ARHGAP39: variants seen among roughly 807,000 people sequenced by gnomAD.
The protein encoded by ARHGAP39 is Rho GTPase activating protein 39.
A neutral mutation model predicts 106.9 loss-of-function variants in ARHGAP39; 44 were observed. The ratio of observed to expected loss-of-function variants is 0.41; its 90% CI spans 0.32 to 0.53. The LOEUF is 0.53. Ranked by LOEUF, ARHGAP39 falls within the 20% of genes least tolerant of loss-of-function variation. The probability of loss-of-function intolerance (pLI) is 0.21; values close to 1 mark genes in which losing one functional copy is unlikely to be tolerated. For synonymous variants in ARHGAP39, 768 were observed against 693.2 expected, an observed-to-expected ratio of 1.11 and a Z score of -1.69; for missense variants, 1,496 against 1,577.3, an observed-to-expected ratio of 0.95 and a Z score of 0.87.
rs758816224 is a variant in ARHGAP39 at position 144,530,628 on chromosome 8, G to C, written c.3151-12C>G. ...GGCTGCACGAAGACCTGGTGGAGGA[G>C]CGAGGGTGGGCGCGGAGGGGCGGGG... On this transcript the variant is annotated splice_polypyrimidine_tract_variant and intron_variant, in intron 11 of 11. Coordinates refer to ENST00000377307, the MANE Select transcript of ARHGAP39 (RefSeq NM_025251.3). 3 of 1,574,440 alleles carry C rather than the reference G, an allele frequency of 1.9e-6. No homozygotes were observed. The highest frequency in any genetic ancestry group is 3.6e-5 in the Admixed American group (2 of 56,062).
chr8:144,695,809 C>T, the ARHGAP39 span, among the ~76,000 whole-genome samples: 3 of 152,258 alleles, frequency 2.0e-5, no homozygotes, highest in African/African-American at 4.8e-5. Context: ...GGTCGTTGGG[C>T]GTTATCAATG....
intron 2 of ARHGAP39, among the ~76,000 whole-genome samples, chr8:144,600,787 G>A (rs111623823): frequency 0.011 from 1,694 of 151,722 alleles, 21 homozygotes; most frequent in African/African-American, 0.035. Flanking sequence ...GGAGGCATGC[G>A]CGTGAGCTCA....
At chr8:144,623,935 G>T (rs1034018112) in intron 1 of ARHGAP39, among the ~76,000 whole-genome samples, 3 of 152,210 alleles carry the variant, frequency 2.0e-5, no homozygotes, top group Non-Finnish European at 4.4e-5. Context: ...TTGTTGGGGT[G>T]ACAACAGCAC....
intron 10 of ARHGAP39, among the ~76,000 whole-genome samples, 174 bp from the exon 11 acceptor site, chr8:144,531,045 G>A (rs57033786): frequency 0.11 from 16,521 of 151,250 alleles, 3,016 homozygotes; most frequent in African/African-American, 0.38. Context: ...AGGGCCTTTC[G>A]GCTCCTGGGG....
At chr8:144,664,854 TG>T (rs1821921979) in intron 1 of ARHGAP39, among the ~76,000 whole-genome samples, 1 of 152,110 alleles carries the variant, frequency 6.6e-6, no homozygotes, top group Non-Finnish European at 1.5e-5. Context: ...AGCATGAAAA[TG>T]GACTAATACA....
intron 1 of ARHGAP39, among the ~76,000 whole-genome samples, chr8:144,614,497 TGCATGCCACCAC>T: frequency 6.6e-6 from 1 of 151,982 alleles, no homozygotes; most frequent in Non-Finnish European, 1.5e-5. Context: ...GGATTACAGG[TGCATGCCACCAC>T]GCCCAGCTAA....
At chr8:144,674,397 C>T (rs1212255611) in intron 1 of ARHGAP39, among the ~76,000 whole-genome samples, 38 of 152,162 alleles carry the variant, frequency 2.5e-4, no homozygotes, top group Admixed American at 2.5e-3. Flanking sequence ...CTGGTTAGCT[C>T]CTATCCTATC....
At chr8:144,562,109 A>G (rs1818200016) in intron 3 of ARHGAP39, among the ~76,000 whole-genome samples, 1 of 140,140 alleles carries the variant, frequency 7.1e-6, no homozygotes, top group South Asian at 2.3e-4. Flanking sequence ...AGTGGTTTCC[A>G]TCGGACTTAC....
At chr8:144,665,436 G>A (rs955561885) in intron 1 of ARHGAP39, among the ~76,000 whole-genome samples, 11 of 152,278 alleles carry the variant, frequency 7.2e-5, no homozygotes, top group African/African-American at 2.2e-4. Context: ...CCAAGACCAC[G>A]GGGAAAATGT....
intron 1 of ARHGAP39, among the ~76,000 whole-genome samples, chr8:144,661,925 T>C (rs1821832945): frequency 6.9e-6 from 1 of 143,930 alleles, no homozygotes; most frequent in Non-Finnish European, 1.5e-5. Context: ...GCATCTCCAT[T>C]ATCCACCTTG....
chr8:144,689,135 C>A (rs1822693120), upstream of ARHGAP39, among the ~76,000 whole-genome samples: 1 of 152,130 alleles, frequency 6.6e-6, no homozygotes, highest in African/African-American at 2.4e-5. Context: ...AAGTTGGATC[C>A]CTGGGCCACC....
chr8:144,615,119 G>C (rs764951872), intron 1 of ARHGAP39, among the ~76,000 whole-genome samples: 1 of 152,160 alleles, frequency 6.6e-6, no homozygotes, highest in African/African-American at 2.4e-5. Flanking sequence ...TCAGGAGTTC[G>C]AGACCAGCTG....
chr8:144,656,214 C>G (rs1463566744), intron 1 of ARHGAP39, among the ~76,000 whole-genome samples: 3 of 147,740 alleles, frequency 2.0e-5, no homozygotes, highest in Non-Finnish European at 4.5e-5. Flanking sequence ...AAAAAAAGGC[C>G]AGGTGTAGTG....
At position 144,645,072 on chromosome 8, in the gene ARHGAP39, G is replaced by A. The variant is rs1307614161; in HGVS notation, c.-81-39377C>T. ...GTCCCCGTGTTATCCAGGAGGAAGC[G>A]AAGAAAACACTGGGCAGGTCCACAG... On this transcript the variant is annotated intron_variant, in intron 1 of 11. Transcript: ENST00000377307. This position sits in a 1 kb window ranked among gnomAD's most constrained non-coding sequence, Gnocchi z 4.4. 4.6e-5 allele frequency among the ~76,000 whole-genome samples: 7 copies of A among 152,206 alleles called. No homozygotes were observed. Among genetic ancestry groups the A allele is most frequent in the African/African-American group, 1.2e-4 (5 of 41,452 alleles).
At chr8:144,605,830 C>T in intron 1 of ARHGAP39, 135 bp from the exon 2 acceptor site, 1 of 584,716 alleles carries the variant, frequency 1.7e-6, no homozygotes, top group South Asian at 2.0e-5. Context: ...CGCCCCCGGG[C>T]AGCCAACCCC....
intron 3 of ARHGAP39, among the ~76,000 whole-genome samples, chr8:144,564,463 AG>A (rs1304690556): frequency 6.6e-6 from 1 of 152,174 alleles, no homozygotes; most frequent in Non-Finnish European, 1.5e-5. Flanking sequence ...AACTTGGAGA[AG>A]GGGAAAAAAA....
chr8:144,556,894 A>G (rs1162689409), intron 3 of ARHGAP39, among the ~76,000 whole-genome samples: 4 of 116,952 alleles, frequency 3.4e-5, no homozygotes, highest in East Asian at 5.2e-4. Flanking sequence ...GAACCTTCAT[A>G]GTATTCAGAG....
rs571904433 is a variant in ARHGAP39, at chr8:144,548,308, C to G, written c.778G>C (p.Glu260Gln). 6.2e-7 allele frequency: 1 copy of G among 1,608,858 alleles called. No individual in the cohort carries two copies. The highest frequency in any genetic ancestry group is 8.5e-7 in the Non-Finnish European group (1 of 1,177,344). Residue 260 changes from glutamate (E) to glutamine (Q), a missense_variant, in exon 5 of 12, where the codon GAG (glutamate) becomes CAG (glutamine). By Grantham distance (29) the Glu-to-Gln change is conservative. This residue lies in a region of ARHGAP39 where 905 missense variants were observed against 816.4 expected (regional missense o/e 1.11). Coordinates refer to ENST00000377307, the MANE Select transcript of ARHGAP39 (RefSeq NM_025251.3). This position sits in a 1 kb window ranked among gnomAD's most constrained non-coding sequence, Gnocchi z 7.4. ...HSPSLQTFAP[E>Q]ADGTIFFPER... is the part of the protein sequence containing the mutation. ...GGGAAGAAGATGGTGCCGTCAGCCT[C>G]CGGGGCGAAGGTCTGCAGGCTGGGT...
At chr8:144,593,009 T>G (rs1254730276) in intron 2 of ARHGAP39, among the ~76,000 whole-genome samples, 2 of 152,150 alleles carry the variant, frequency 1.3e-5, no homozygotes, top group Admixed American at 1.3e-4. Flanking sequence ...CAACAGTATT[T>G]AAAATGAAGT....
Sources: allele counts gnomAD v4.1 joint callset (sites outside exome capture counted in the v4.1 genomes callset), GRCh38; gene constraint gnomAD v4.1.1; regional missense constraint gnomAD v4.1.1; non-coding constraint Gnocchi (gnomAD v3.1); transcripts MANE v1.5; gene names NCBI Gene and HGNC (gene_info 2026-07-23, HGNC 2026-07-21).